The following ZNF236 variants were observed in gnomAD, a reference collection of about 807,000 sequenced individuals.
ZNF236 encodes regulated by glucose.
Under a neutral mutation model 191.2 loss-of-function variants are expected in ZNF236, and 50 were observed. The observed-to-expected ratio is 0.26, with a 90% CI of 0.21 to 0.33. The LOEUF is 0.33. Among genes scored for constraint, ZNF236 ranks in the 10% least tolerant of loss-of-function variants. The pLI, the probability that ZNF236 is intolerant of heterozygous loss-of-function variation, is 1.00. For synonymous variants in ZNF236, 907 were observed against 928.8 expected (o/e 0.98, Z 0.43); for missense variants, 1,754 against 2,374.5 (o/e 0.74, Z 5.43).
At position 76,898,661 on chromosome 18, in the gene ZNF236, C is replaced by T. The variant is rs143540183; in HGVS notation, c.1691-358C>T. ...TTAGCTTACGTAATCTCAGCAGCAGCCCTGGAGGCAGGTGTCTTTAAGCCA... is the reference window on the plus strand; with the variant it reads ...TTAGCTTACGTAATCTCAGCAGCAGTCCTGGAGGCAGGTGTCTTTAAGCCA... On this transcript the variant is annotated intron_variant, in intron 10 of 30. Coordinates refer to ENST00000320610, the MANE Select transcript of ZNF236 (RefSeq NM_001306089.2). Among the ~76,000 whole-genome samples the T allele has an allele frequency of 7.9e-3, 1,200 of 152,286 alleles. 5 individuals carry two copies. The highest frequency in any genetic ancestry group is 0.013 in the South Asian group (64 of 4,820).
chr18:76,842,438 C>CT (rs34838341), intron 1 of ZNF236, among the ~76,000 whole-genome samples: 28,990 of 141,470 alleles, frequency 0.2, 2,965 homozygotes, highest in East Asian at 0.39. Context: ...CCCCCCTCAA[C>CT]TTTTTTTTTT....
At chr18:76,844,343 C>G (rs78141242) in intron 1 of ZNF236, among the ~76,000 whole-genome samples, 2,523 of 151,882 alleles carry the variant, frequency 0.017, 31 homozygotes, top group Non-Finnish European at 0.019. Flanking sequence ...AGGCATACTT[C>G]TAACGACAGC....
chr18:76,844,673 T>C (rs892108257), intron 1 of ZNF236, among the ~76,000 whole-genome samples: 3 of 152,204 alleles, frequency 2.0e-5, no homozygotes, highest in Non-Finnish European at 1.5e-5. Flanking sequence ...GAGTTTGTCA[T>C]AAGAGGCCAA....
intron 25 of ZNF236, among the ~76,000 whole-genome samples, chr18:76,929,570 A>G (rs1260721283): frequency 6.6e-6 from 1 of 152,114 alleles, no homozygotes; most frequent in Non-Finnish European, 1.5e-5. Flanking sequence ...ATTATTGGCC[A>G]TTTGGTTATT....
At chr18:76,900,742 G>T (rs1054220799) in intron 11 of ZNF236, among the ~76,000 whole-genome samples, 3 of 152,142 alleles carry the variant, frequency 2.0e-5, no homozygotes, top group African/African-American at 7.2e-5. Context: ...TTGAAAATAA[G>T]TAAAATATTT....
rs754102444 is a variant in ZNF236 at position 76,925,143 on chromosome 18, C to T, written c.3662-46C>T. 30 of 1,583,340 alleles carry T rather than the reference C, an allele frequency of 1.9e-5. No homozygotes were observed. Among genetic ancestry groups the T allele is most frequent in the South Asian group, 2.3e-5 (2 of 86,672 alleles). On this transcript the variant is annotated intron_variant, in intron 21 of 30. Coordinates refer to ENST00000320610, the MANE Select transcript of ZNF236 (RefSeq NM_001306089.2). This position sits in a 1 kb window ranked among gnomAD's most constrained non-coding sequence, Gnocchi z 5.7. ...AGCTGAGTGGGGTGGGGGTGAGTGT[C>T]GCGACTGCCATCGCCTCTGTTGATT...
Position 76,968,689 on chromosome 18 carries a change from G to A in ZNF236, c.*350G>A, listed in dbSNP as rs756847255. 8.8e-5 allele frequency: 89 copies of A among 1,016,696 alleles called. No individual in the cohort carries two copies. The highest frequency in any genetic ancestry group is 4.7e-4 in the Middle Eastern group (1 of 2,106). 63.0% of individuals were successfully genotyped at this position (1,016,696 alleles called of 1,614,324 possible). On this transcript the variant is annotated 3_prime_UTR_variant, in exon 31 of 31. Coordinates refer to ENST00000320610, the MANE Select transcript of ZNF236 (RefSeq NM_001306089.2). ...TCTTTGTATTAGCAAAGACAAAAACGCTAACATTGAAAAAGTATGTCAGAT... is the reference window on the plus strand; with the variant it reads ...TCTTTGTATTAGCAAAGACAAAAACACTAACATTGAAAAAGTATGTCAGAT...
At chr18:76,900,593 A>G (rs563789056) in intron 11 of ZNF236, among the ~76,000 whole-genome samples, 2 of 152,332 alleles carry the variant, frequency 1.3e-5, no homozygotes, top group East Asian at 1.9e-4. Flanking sequence ...TAGCCATCCA[A>G]AATTTCATTA....
At chr18:76,891,427 T>G (rs985518882) in intron 9 of ZNF236, among the ~76,000 whole-genome samples, 2 of 152,140 alleles carry the variant, frequency 1.3e-5, no homozygotes, top group Admixed American at 1.3e-4. Flanking sequence ...GGCTGCAGTG[T>G]GGTGCCACGA....
intron 1 of ZNF236, among the ~76,000 whole-genome samples, chr18:76,848,495 T>C (rs1247561004): frequency 6.6e-6 from 1 of 152,224 alleles, no homozygotes; most frequent in East Asian, 1.9e-4. Flanking sequence ...GTTTTGTGAT[T>C]ATTCTGTGAT....
intron 1 of ZNF236, among the ~76,000 whole-genome samples, chr18:76,836,837 A>G (rs1975342052): frequency 6.6e-6 from 1 of 151,754 alleles, no homozygotes; most frequent in South Asian, 2.1e-4. Flanking sequence ...TTGGCCTCCC[A>G]AAGTGCGGGG....
chr18:76,943,825 C>T (rs1478162729), intron 26 of ZNF236, among the ~76,000 whole-genome samples: 1 of 152,156 alleles, frequency 6.6e-6, no homozygotes, highest in Non-Finnish European at 1.5e-5. Flanking sequence ...CATATTTACT[C>T]TTGTACTTGT....
chr18:76,947,554 T>C lies in ZNF236; in HGVS notation c.4816T>C (p.Ser1606Pro), dbSNP rs1157437016. 3 of 1,613,514 alleles carry C rather than the reference T, an allele frequency of 1.9e-6. No homozygotes were observed. Among genetic ancestry groups the C allele is most frequent in the Admixed American group, 1.7e-5 (1 of 59,968 alleles). ...GTTCCCAGCGCTCCTCACGGATCCC[T>C]CTCTCTCGGGCCAGGGTGGAGCAGG... Reference protein sequence around the residue: ...QQFPALLTDPSLSGQGGAGSP... With the variant: ...QQFPALLTDPPLSGQGGAGSP... Residue 1606 changes from serine to proline, a missense_variant, in exon 27 of 31, where the codon TCT (serine) becomes CCT (proline). Coordinates refer to ENST00000320610, the MANE Select transcript of ZNF236 (RefSeq NM_001306089.2).
intron 26 of ZNF236, among the ~76,000 whole-genome samples, chr18:76,939,011 A>G (rs74182678): frequency 2.4e-4 from 37 of 152,098 alleles, no homozygotes; most frequent in Non-Finnish European, 4.6e-4. Flanking sequence ...AATGTTAGCA[A>G]TTCGTATCAT....
intron 3 of ZNF236, among the ~76,000 whole-genome samples, chr18:76,859,887 G>A (rs1362481093): frequency 1.3e-5 from 2 of 152,210 alleles, no homozygotes; most frequent in Non-Finnish European, 2.9e-5. Flanking sequence ...GGCATCTAGA[G>A]ATCTGCATGG....
At chr18:76,915,613 G>C in intron 18 of ZNF236, 34 bp from the exon 19 acceptor site, 1 of 1,606,702 alleles carries the variant, frequency 6.2e-7, no homozygotes, top group Non-Finnish European at 8.5e-7. Context: ...AATAGGATTG[G>C]TTCCAGCCGT....
intron 3 of ZNF236, among the ~76,000 whole-genome samples, chr18:76,867,018 T>C (rs554239552): frequency 6.6e-6 from 1 of 152,258 alleles, no homozygotes; most frequent in Admixed American, 6.5e-5. Flanking sequence ...CTGAGTAATA[T>C]CCGTGTAGAT....
chr18:76,938,858 G>A (rs1480455576), intron 26 of ZNF236, among the ~76,000 whole-genome samples: 1 of 152,194 alleles, frequency 6.6e-6, no homozygotes, highest in African/African-American at 2.4e-5. Flanking sequence ...CACATGTGGT[G>A]CTGGGAAGCA....
intron 25 of ZNF236, among the ~76,000 whole-genome samples, chr18:76,934,013 A>C (rs913585451): frequency 1.3e-5 from 2 of 152,214 alleles, no homozygotes; most frequent in Non-Finnish European, 2.9e-5. Context: ...TAAGGTAAAC[A>C]CTCAAAAACC....
Sources: gnomAD v4.1 joint callset for allele counts (sites outside exome capture counted in the v4.1 genomes callset) on GRCh38, gnomAD v4.1.1 for gene constraint, Gnocchi (gnomAD v3.1) non-coding constraint, MANE v1.5 for transcripts, NCBI Gene and HGNC (gene_info 2026-07-23, HGNC 2026-07-21) for gene names.